LEKR1: variants seen among roughly 807,000 people sequenced by gnomAD.
LEKR1 encodes the protein leucine, glutamate and lysine rich 1, also known as protein LEKR1.
LEKR1 carries 59 observed loss-of-function variants against 72.4 expected under a neutral mutation model. That is an observed-to-expected ratio of 0.82 (90% CI 0.66 to 1.01). The LOEUF is 1.01. LEKR1 is among the 50% of genes least tolerant of loss of function. The pLI, the probability that LEKR1 is intolerant of heterozygous loss-of-function variation, is 0.00. For synonymous variants in LEKR1, 257 were observed against 263.2 expected (o/e 0.98, Z 0.23); for missense variants, 728 against 759.2 (o/e 0.96, Z 0.48).
rs1735721014 is a variant in LEKR1, at chr3:157,045,861, A to G, written c.*111A>G. 3.1e-6 allele frequency: 3 copies of G among 961,650 alleles called. No homozygotes were observed. Among genetic ancestry groups the G allele is most frequent in the African/African-American group, 1.6e-5 (1 of 60,788 alleles). The allele number at this position is 961,650 out of a possible 1,614,324, so 59.6% of individuals were successfully genotyped here. On this transcript the variant is annotated 3_prime_UTR_variant, in exon 13 of 13. Coordinates refer to ENST00000356539, the MANE Select transcript of LEKR1 (RefSeq NM_001004316.3). ...GATAAAATTATTTTCACAGATCAGG[A>G]AGGCATACCTATAGATGTATTTAAC...
intron 10 of LEKR1, among the ~76,000 whole-genome samples, chr3:157,015,758 C>A (rs1390909844): frequency 6.6e-6 from 1 of 152,022 alleles, no homozygotes; most frequent in African/African-American, 2.4e-5. Context: ...CCCAGAAAGG[C>A]ACAGAAGTGA....
At chr3:156,965,208 A>C (rs977460942) in intron 6 of LEKR1, among the ~76,000 whole-genome samples, 4 of 152,172 alleles carry the variant, frequency 2.6e-5, no homozygotes, top group African/African-American at 9.6e-5. Context: ...TAATTTAATC[A>C]TGGTAAACAC....
chr3:156,949,500 A>G (rs147706849), intron 6 of LEKR1, among the ~76,000 whole-genome samples: 2 of 151,310 alleles, frequency 1.3e-5, no homozygotes, highest in African/African-American at 2.4e-5. Context: ...TGTGCTCTCT[A>G]TTCTGGTCCA....
chr3:156,974,992 C>G (rs1311320537), intron 6 of LEKR1, among the ~76,000 whole-genome samples: 2 of 152,146 alleles, frequency 1.3e-5, no homozygotes, highest in African/African-American at 4.8e-5. Flanking sequence ...CATGCCACCA[C>G]CAATGATAAT....
At chr3:156,912,399 G>T (rs1344545268) in intron 3 of LEKR1, among the ~76,000 whole-genome samples, 1 of 152,134 alleles carries the variant, frequency 6.6e-6, no homozygotes, top group Admixed American at 6.6e-5. Context: ...TAAGGAGTGG[G>T]GGGTAGCAGG....
chr3:157,043,459 T>C (rs1484538961), intron 12 of LEKR1, among the ~76,000 whole-genome samples: 1 of 152,108 alleles, frequency 6.6e-6, no homozygotes, highest in Non-Finnish European at 1.5e-5. Context: ...TGTGTTTTTT[T>C]TTTTTTTCAG....
At chr3:156,975,018 G>A (rs1273160122) in intron 6 of LEKR1, among the ~76,000 whole-genome samples, 1 of 152,096 alleles carries the variant, frequency 6.6e-6, no homozygotes. Context: ...ACATGTGCGT[G>A]TTACTCCCAA....
intron 6 of LEKR1, among the ~76,000 whole-genome samples, chr3:156,965,094 A>G (rs1030083535): frequency 2.6e-5 from 4 of 152,172 alleles, no homozygotes; most frequent in African/African-American, 7.2e-5. Flanking sequence ...ACAACAAAAT[A>G]CTGCTCTAAA....
intron 12 of LEKR1, among the ~76,000 whole-genome samples, chr3:157,034,008 T>C (rs1277732746): frequency 6.6e-6 from 1 of 151,418 alleles, no homozygotes; most frequent in African/African-American, 2.4e-5. Context: ...TTTTGCAGCA[T>C]GGCTTACTGA....
At chr3:156,828,856 A>G (rs1180699120) in intron 1 of LEKR1, among the ~76,000 whole-genome samples, 1 of 152,194 alleles carries the variant, frequency 6.6e-6, no homozygotes, top group East Asian at 1.9e-4. Context: ...CATTTAATCC[A>G]GCATTCATGC....
intron 6 of LEKR1, among the ~76,000 whole-genome samples, chr3:156,953,421 A>G (rs1727344186): frequency 6.6e-6 from 1 of 151,574 alleles, no homozygotes; most frequent in Non-Finnish European, 1.5e-5. Context: ...CGTGTGCCAT[A>G]GTAGTTTGCT....
chr3:156,987,054 A>ATTGTATTGTG (rs1730756473), intron 7 of LEKR1, among the ~76,000 whole-genome samples: 1 of 151,552 alleles, frequency 6.6e-6, no homozygotes, highest in African/African-American at 2.4e-5. Flanking sequence ...ATTGTATTGT[A>ATTGTATTGTG]TTGTATTGTA....
chr3:156,986,356 T>C (rs1294564388), intron 7 of LEKR1, among the ~76,000 whole-genome samples: 2 of 152,128 alleles, frequency 1.3e-5, no homozygotes, highest in Non-Finnish European at 2.9e-5. Context: ...CCTTCAAGAA[T>C]GGACTGGAGT....
chr3:156,991,035 G>T (rs1230053466), intron 7 of LEKR1, among the ~76,000 whole-genome samples: 1 of 152,026 alleles, frequency 6.6e-6, no homozygotes, highest in African/African-American at 2.4e-5. Flanking sequence ...CCTTAATAGA[G>T]ACATTTTTAC....
At chr3:156,945,230 C>G (rs1300781233) in intron 6 of LEKR1, among the ~76,000 whole-genome samples, 1 of 151,788 alleles carries the variant, frequency 6.6e-6, no homozygotes, top group African/African-American at 2.4e-5. Context: ...TGAGAAATGT[C>G]TATTTAGATC....
At chr3:157,005,714 G>A (rs1035382990) in intron 9 of LEKR1, among the ~76,000 whole-genome samples, 2 of 151,972 alleles carry the variant, frequency 1.3e-5, no homozygotes, top group Admixed American at 6.5e-5. Context: ...CAAAATTAAC[G>A]TGTTCTTCAA....
chr3:157,038,458 C>A (rs190681256), intron 12 of LEKR1, among the ~76,000 whole-genome samples: 8 of 152,212 alleles, frequency 5.3e-5, no homozygotes, highest in Admixed American at 5.2e-4. Context: ...CTGGAGATGT[C>A]GATTTTGGAC....
intron 6 of LEKR1, among the ~76,000 whole-genome samples, chr3:156,978,751 G>A (rs1462588706): frequency 6.6e-6 from 1 of 152,028 alleles, no homozygotes; most frequent in Non-Finnish European, 1.5e-5. Flanking sequence ...TATGAGCCTG[G>A]AACATGATTT....
chr3:156,940,141 A>G (rs1479691734), intron 5 of LEKR1, among the ~76,000 whole-genome samples: 1 of 152,144 alleles, frequency 6.6e-6, no homozygotes, highest in African/African-American at 2.4e-5. Context: ...TTACTAATTT[A>G]TTAGGCATTT....
Sources: allele counts gnomAD v4.1 joint callset (sites outside exome capture counted in the v4.1 genomes callset), GRCh38; gene constraint gnomAD v4.1.1; transcripts MANE v1.5; gene names NCBI Gene and HGNC (gene_info 2026-07-23, HGNC 2026-07-21).